Variants in CSRNP3 observed in about 807,000 individuals in gnomAD.
The protein encoded by CSRNP3 is cysteine and serine rich nuclear protein 3, also known as cysteine/serine-rich nuclear protein 3.
Under a neutral mutation model 48.0 loss-of-function variants are expected in CSRNP3, and 12 were observed. That is an observed-to-expected ratio of 0.25 (90% CI 0.16 to 0.41). CSRNP3 has a LOEUF of 0.41. Ranked by LOEUF, CSRNP3 falls within the 10% of genes least tolerant of loss-of-function variation. CSRNP3 has a pLI of 1.00. For missense variants in CSRNP3, 580 were observed against 724.4 expected, an observed-to-expected ratio of 0.80 and a Z score of 2.29; for synonymous variants, 263 against 269.7, an observed-to-expected ratio of 0.98 and a Z score of 0.24.
intron 5 of CSRNP3, among the ~76,000 whole-genome samples, chr2:165,666,438 G>GAGGA (rs759280622): frequency 3.0e-5 from 1 of 32,966 alleles, no homozygotes; most frequent in Admixed American, 3.7e-4. Flanking sequence ...GAAAGACAGA[G>GAGGA]AGGAAGGAAG....
At chr2:165,670,819 C>G (rs1687315400) in intron 5 of CSRNP3, among the ~76,000 whole-genome samples, 1 of 148,474 alleles carries the variant, frequency 6.7e-6, no homozygotes, top group Non-Finnish European at 1.5e-5. Context: ...ATTTAAGAGT[C>G]AAGGCTATTT....
intron 3 of CSRNP3, among the ~76,000 whole-genome samples, chr2:165,554,755 C>T (rs975127257): frequency 6.6e-6 from 1 of 152,190 alleles, no homozygotes; most frequent in Non-Finnish European, 1.5e-5. Flanking sequence ...GCTCTCCTTT[C>T]AAACAGCCAG....
intron 5 of CSRNP3, among the ~76,000 whole-genome samples, chr2:165,669,936 A>T (rs958159697): frequency 6.6e-6 from 1 of 152,232 alleles, no homozygotes; most frequent in Admixed American, 6.5e-5. Flanking sequence ...GATTAAGTCA[A>T]ATCATAAATT....
At chr2:165,653,769 C>T (rs549548565) in intron 4 of CSRNP3, among the ~76,000 whole-genome samples, 97 of 151,690 alleles carry the variant, frequency 6.4e-4, no homozygotes, top group Non-Finnish European at 6.8e-4. Context: ...GTCAGGAGTT[C>T]GAGAACAGCC....
At chr2:165,539,846 T>C (rs1353268166) in intron 3 of CSRNP3, among the ~76,000 whole-genome samples, 1 of 152,082 alleles carries the variant, frequency 6.6e-6, no homozygotes, top group Non-Finnish European at 1.5e-5. Flanking sequence ...AATTTTCATG[T>C]AAGACTGATT....
At chr2:165,566,508 T>G (rs538587982) in intron 3 of CSRNP3, among the ~76,000 whole-genome samples, 1 of 151,702 alleles carries the variant, frequency 6.6e-6, no homozygotes, top group African/African-American at 2.4e-5. Context: ...AAAATGGAGA[T>G]AGTAAAAGTA....
rs905860861 is a variant in CSRNP3, at chr2:165,689,207, T to A, written c.*9454T>A. 6.6e-6 allele frequency: 1 copy of A among 152,202 alleles called. No individual in the cohort carries two copies. Among genetic ancestry groups the A allele is most frequent in the African/African-American group, 2.4e-5 (1 of 41,460 alleles). The allele number at this position is 152,202 out of a possible 1,614,324, so 9.4% of individuals were successfully genotyped here. A position where few individuals can be genotyped will look rare whatever the true frequency, so the allele number is the denominator to read the frequency against. ...CTGTATTTATATTTTCAGTATTTAT[T>A]ATGAATGACATGGAAATTCGTGTAT... On this transcript the variant is annotated 3_prime_UTR_variant, in exon 7 of 7. Coordinates refer to ENST00000651982, the MANE Select transcript of CSRNP3 (RefSeq NM_001172173.2).
chr2:165,551,995 G>A (rs950938817), intron 3 of CSRNP3, among the ~76,000 whole-genome samples: 11 of 152,196 alleles, frequency 7.2e-5, no homozygotes, highest in Non-Finnish European at 1.5e-4. Flanking sequence ...ATGGCACAAT[G>A]ATAAATCATC....
At chr2:165,490,643 C>A (rs201327736) in intron 1 of CSRNP3, among the ~76,000 whole-genome samples, 1,399 of 135,420 alleles carry the variant, frequency 0.01, 16 homozygotes, top group Middle Eastern at 0.031. Context: ...GAAATAACGC[C>A]GCATACCTAC....
chr2:165,486,272 C>T (rs1684114670), intron 1 of CSRNP3, among the ~76,000 whole-genome samples: 2 of 152,220 alleles, frequency 1.3e-5, no homozygotes, highest in African/African-American at 2.4e-5. Flanking sequence ...GACTATATCC[C>T]ACACCTGGCT....
chr2:165,609,434 G>T (rs948647044), intron 4 of CSRNP3, among the ~76,000 whole-genome samples: 18 of 145,618 alleles, frequency 1.2e-4, no homozygotes. Flanking sequence ...ACTCCAGCCT[G>T]GGCGACAGAG....
intron 4 of CSRNP3, 150 bp downstream of exon 4, chr2:165,595,363 G>A (rs984748841): frequency 6.0e-5 from 41 of 688,710 alleles, no homozygotes; most frequent in Non-Finnish European, 8.9e-5. Flanking sequence ...AATATTTTTC[G>A]GGTGACTCAG....
At chr2:165,571,043 C>G (rs1408274642) in intron 3 of CSRNP3, among the ~76,000 whole-genome samples, 1 of 151,742 alleles carries the variant, frequency 6.6e-6, no homozygotes, top group Admixed American at 6.6e-5. Context: ...AATTGACACA[C>G]AAAAAATTTT....
At chr2:165,514,276 A>G (rs1684545594) in intron 2 of CSRNP3, among the ~76,000 whole-genome samples, 1 of 152,356 alleles carries the variant, frequency 6.6e-6, no homozygotes, top group East Asian at 1.9e-4. Context: ...CACAGGTGGT[A>G]TGAAAAGGCA....
chr2:165,668,385 C>G (rs1443319833), intron 5 of CSRNP3, among the ~76,000 whole-genome samples: 3 of 124,726 alleles, frequency 2.4e-5, no homozygotes, highest in African/African-American at 9.8e-5. Flanking sequence ...GAATCATATC[C>G]TTTCTTTCTT....
At chr2:165,557,014 G>A (rs1207826170) in intron 3 of CSRNP3, among the ~76,000 whole-genome samples, 2 of 152,112 alleles carry the variant, frequency 1.3e-5, no homozygotes, top group East Asian at 3.9e-4. Flanking sequence ...ATTATAGGCT[G>A]AGCGGAAGTC....
chr2:165,539,987 G>A (rs999528850), intron 3 of CSRNP3, among the ~76,000 whole-genome samples: 23 of 152,052 alleles, frequency 1.5e-4, no homozygotes, highest in Non-Finnish European at 3.1e-4. Flanking sequence ...TGCTGTTAAT[G>A]TACAAATAAA....
chr2:165,493,863 C>G (rs987703583), intron 1 of CSRNP3, among the ~76,000 whole-genome samples: 1 of 152,104 alleles, frequency 6.6e-6, no homozygotes, highest in South Asian at 2.1e-4. Context: ...GACTATGGTT[C>G]TATTACATAT....
rs1197872775 is a variant in CSRNP3, at chr2:165,683,785, A to G, written c.*4032A>G. 3 of 152,080 alleles carry G rather than the reference A, an allele frequency of 2.0e-5. No individual in the cohort carries two copies. Among genetic ancestry groups the G allele is most frequent in the African/African-American group, 7.2e-5 (3 of 41,454 alleles). 9.4% of individuals were successfully genotyped at this position (152,080 alleles called of 1,614,324 possible). On this transcript the variant is annotated 3_prime_UTR_variant, in exon 7 of 7. Coordinates refer to ENST00000651982, the MANE Select transcript of CSRNP3 (RefSeq NM_001172173.2). The stretch of plus-strand genomic sequence containing the variant: ...TCAAGCTTTCTCAAATCCTCTTAAT[A>G]TGTGATTTTATCAAGTGACATTAGA...
Sources: gnomAD v4.1 joint callset for allele counts (sites outside exome capture counted in the v4.1 genomes callset) on GRCh38, gnomAD v4.1.1 for gene constraint, MANE v1.5 for transcripts, NCBI Gene and HGNC (gene_info 2026-07-23, HGNC 2026-07-21) for gene names.